The following TMEM132C variants were observed in gnomAD, a reference collection of about 807,000 sequenced individuals.
TMEM132C encodes transmembrane protein 132C.
A neutral mutation model predicts 61.4 loss-of-function variants in TMEM132C; 29 were observed. The ratio of observed to expected loss-of-function variants is 0.47; its 90% confidence interval spans 0.35 to 0.64. The LOEUF (loss-of-function observed/expected upper bound fraction) is 0.64, where lower values mean the gene tolerates loss of function less well. TMEM132C is among the 30% of genes least tolerant of loss of function. TMEM132C has a pLI of 0.00. For missense variants in TMEM132C, 1,408 were observed against 1,476.9 expected (o/e 0.95, Z 0.76); for synonymous variants, 656 against 633.1 (o/e 1.04, Z -0.54).
chr12:128,695,881 C>G lies in TMEM132C; in HGVS notation c.1707C>G (p.Gly569=). ...ACGAGGAGGAGCGGCGGGGCCGGGGCTGCGCACTGCAATACCAGCACGCCA... is the reference window on the plus strand; with the variant it reads ...ACGAGGAGGAGCGGCGGGGCCGGGGGTGCGCACTGCAATACCAGCACGCCA... ...DEDEEERRGR[G]CALQYQHATV... The change falls in exon 7 of 9, where the codon GGC becomes GGG. Residue 569 remains glycine (G), a synonymous_variant. Transcript: ENST00000435159. The G allele has an allele frequency of 6.5e-7, 1 of 1,550,234 alleles. No individual in the cohort carries two copies. The highest frequency in any genetic ancestry group is 1.4e-5 in the African/African-American group (1 of 73,170).
chr12:128,495,906 T>C (rs1871935701), intron 2 of TMEM132C, among the ~76,000 whole-genome samples: 1 of 152,222 alleles, frequency 6.6e-6, no homozygotes, highest in Non-Finnish European at 1.5e-5. Context: ...GCTCGTTAGT[T>C]GATGCATTTT....
intron 1 of TMEM132C, among the ~76,000 whole-genome samples, chr12:128,297,195 A>G (rs1362609225): frequency 6.6e-6 from 1 of 152,212 alleles, no homozygotes; most frequent in Non-Finnish European, 1.5e-5. Context: ...AAGAGCAACA[A>G]ATAGAATAAA....
chr12:128,532,409 C>T (rs976701335), intron 2 of TMEM132C, among the ~76,000 whole-genome samples: 4 of 151,554 alleles, frequency 2.6e-5, no homozygotes, highest in Admixed American at 6.6e-5. Context: ...GAGGCCAAAG[C>T]GGGTGGATCA....
chr12:128,383,420 G>A (rs1377382200), intron 1 of TMEM132C, among the ~76,000 whole-genome samples: 3 of 152,182 alleles, frequency 2.0e-5, no homozygotes, highest in Non-Finnish European at 4.4e-5. Flanking sequence ...GGAGCTCGCA[G>A]CCGTGCTGAG....
At chr12:128,566,317 T>C (rs774890512) in intron 3 of TMEM132C, among the ~76,000 whole-genome samples, 4 of 151,950 alleles carry the variant, frequency 2.6e-5, no homozygotes, top group Non-Finnish European at 5.9e-5. Context: ...AGGTCTAATA[T>C]AGAAAAAAAA....
At chr12:128,358,551 C>T (rs546961064) in intron 1 of TMEM132C, among the ~76,000 whole-genome samples, 5 of 147,892 alleles carry the variant, frequency 3.4e-5, no homozygotes, top group African/African-American at 1.3e-4. Context: ...CCTGAACTTC[C>T]TAAAGAACCA....
intron 1 of TMEM132C, among the ~76,000 whole-genome samples, chr12:128,343,736 G>A (rs553325395): frequency 6.6e-6 from 1 of 152,176 alleles, no homozygotes; most frequent in East Asian, 1.9e-4. Flanking sequence ...AAAAAACCCT[G>A]TATTCATTCA....
intron 1 of TMEM132C, among the ~76,000 whole-genome samples, chr12:128,369,855 C>G (rs895247564): frequency 5.9e-5 from 9 of 152,270 alleles, no homozygotes; most frequent in African/African-American, 1.9e-4. Context: ...CTCATTTGTT[C>G]CTATTTTGGA....
chr12:128,535,983 C>T (rs1422253447), intron 2 of TMEM132C, among the ~76,000 whole-genome samples: 6 of 152,076 alleles, frequency 3.9e-5, no homozygotes, highest in South Asian at 4.2e-4. Context: ...GACAGTGTGG[C>T]GATTCCTCAA....
chr12:128,281,292 T>A (rs1448251408), intron 1 of TMEM132C, among the ~76,000 whole-genome samples: 1 of 151,902 alleles, frequency 6.6e-6, no homozygotes, highest in Non-Finnish European at 1.5e-5. Context: ...GAGAGAAAGA[T>A]GAGATCTAAA....
At chr12:128,573,911 A>AG (rs1874994999) in intron 3 of TMEM132C, among the ~76,000 whole-genome samples, 1 of 151,938 alleles carries the variant, frequency 6.6e-6, no homozygotes, top group African/African-American at 2.4e-5. Flanking sequence ...AAAAAAAAAA[A>AG]AGAGAGTGGT....
intron 2 of TMEM132C, among the ~76,000 whole-genome samples, chr12:128,428,628 G>T (rs2136035847): frequency 6.6e-6 from 1 of 152,274 alleles, no homozygotes; most frequent in East Asian, 1.9e-4. Flanking sequence ...AGAGTGGTTT[G>T]GAAAAGAGAA....
At chr12:128,623,480 T>A (rs1953986711) in intron 4 of TMEM132C, among the ~76,000 whole-genome samples, 1 of 148,910 alleles carries the variant, frequency 6.7e-6, no homozygotes, top group South Asian at 2.1e-4. Context: ...AAAAAAAAAG[T>A]AAAGCTATGT....
chr12:128,378,116 TTTG>T (rs1343915210), intron 1 of TMEM132C, among the ~76,000 whole-genome samples: 4 of 48,892 alleles, frequency 8.2e-5, no homozygotes, highest in Non-Finnish European at 2.9e-4. Context: ...GCAGTTTTTT[TTTG>T]TTTTTTTTTT....
rs149094109 is a variant in TMEM132C, at chr12:128,528,753, C to T, written c.975-15204C>T. Among the ~76,000 whole-genome samples the T allele has an allele frequency of 2.0e-3, 312 of 152,270 alleles. 1 individual carries two copies. The highest frequency in any genetic ancestry group is 3.4e-3 in the Middle Eastern group (1 of 292). On this transcript the variant is annotated intron_variant, in intron 2 of 8. Transcript: ENST00000435159. ...TGCCTCCAGACATTGCTCAGTGTCC[C>T]CTGGAGCACAGAACACCCCTGAGAA...
chr12:128,638,076 T>C (rs1387317001), intron 4 of TMEM132C, among the ~76,000 whole-genome samples: 2 of 152,232 alleles, frequency 1.3e-5, no homozygotes, highest in South Asian at 4.1e-4. Context: ...CCCTGTGTGT[T>C]TGTCTTCACT....
rs555660893 is a variant in TMEM132C at position 128,309,465 on chromosome 12, A to C, written c.85+41978A>C. Among the ~76,000 whole-genome samples the C allele has an allele frequency of 3.1e-4, 47 of 152,284 alleles. 1 individual carries two copies. In the South Asian group the frequency reaches 9.5e-3, roughly 31 times the overall value. Reference sequence around the variant, plus strand: ...GCATTCACAATGGTGTGCAACCATCACATCTCTCTAGTTTCAAAACTTTTC... The same window carrying C: ...GCATTCACAATGGTGTGCAACCATCCCATCTCTCTAGTTTCAAAACTTTTC... On this transcript the variant is annotated intron_variant, in intron 1 of 8. Transcript: ENST00000435159.
intron 1 of TMEM132C, among the ~76,000 whole-genome samples, chr12:128,347,022 G>C (rs1486884396): frequency 6.6e-6 from 1 of 152,102 alleles, no homozygotes; most frequent in African/African-American, 2.4e-5. Flanking sequence ...TGGTGCACTG[G>C]TCACCCGAGC....
chr12:128,649,887 T>G (rs1346410682), intron 4 of TMEM132C, among the ~76,000 whole-genome samples: 1 of 152,216 alleles, frequency 6.6e-6, no homozygotes, highest in African/African-American at 2.4e-5. Context: ...AGAAGCAAAT[T>G]GACAGATAAG....
Sources: gnomAD v4.1 joint callset for allele counts (sites outside exome capture counted in the v4.1 genomes callset) on GRCh38, gnomAD v4.1.1 for gene constraint, MANE v1.5 for transcripts, NCBI Gene and HGNC (gene_info 2026-07-23, HGNC 2026-07-21) for gene names.